Variants in DAZAP2 observed in about 807,000 individuals in gnomAD.
The protein encoded by DAZAP2 is DAZ associated protein 2, also known as DAZ-associated protein 2.
A neutral mutation model predicts 16.2 loss-of-function variants in DAZAP2; 3 were observed. The ratio of observed to expected loss-of-function variants is 0.19; its 90% CI spans 0.08 to 0.48. The LOEUF (loss-of-function observed/expected upper bound fraction) is 0.48. DAZAP2 is among the 20% of genes least tolerant of loss of function. The pLI, the probability that DAZAP2 is intolerant of heterozygous loss-of-function variation, is 0.98. For missense variants in DAZAP2, 172 were observed against 215.9 expected (o/e 0.80, Z 1.27); for synonymous variants, 69 against 77.6 (o/e 0.89, Z 0.58).
rs747844108 is a variant in DAZAP2, at chr12:51,240,853, C to G, written c.133-18C>G. The G allele has an allele frequency of 6.2e-7, 1 of 1,606,714 alleles. No individual in the cohort carries two copies. ...ATGTCATAAAGTAACATTTTGCCTTCTCTTCTGCCTCTTCTAGCTCTATCG... is the reference window on the plus strand; with the variant it reads ...ATGTCATAAAGTAACATTTTGCCTTGTCTTCTGCCTCTTCTAGCTCTATCG... On this transcript the variant is annotated intron_variant, in intron 2 of 3. Coordinates refer to ENST00000412716, the MANE Select transcript of DAZAP2 (RefSeq NM_014764.4).
intron 2 of DAZAP2, 200 bp from the exon 3 acceptor site, chr12:51,240,668 AGAT>A: frequency 1.2e-6 from 1 of 860,314 alleles, no homozygotes; most frequent in East Asian, 2.6e-5. Context: ...AAGGTGCAGA[AGAT>A]GAATTTGCGT....
Position 51,240,888 on chromosome 12 carries a change from T to C in DAZAP2, c.150T>C (p.Phe50=), listed in dbSNP as rs1378818626. 1.2e-6 allele frequency: 2 copies of C among 1,613,974 alleles called. No homozygotes were observed. Among genetic ancestry groups the C allele is most frequent in the African/African-American group, 2.7e-5 (2 of 74,954 alleles). Residue 50 remains phenylalanine, a synonymous_variant, in exon 3 of 4, where the codon TTT becomes TTC. Coordinates refer to ENST00000412716, the MANE Select transcript of DAZAP2 (RefSeq NM_014764.4). ...PAYSELYRPS[F]VHPGAATVPT... ...TCTTCTAGCTCTATCGTCCGAGCTT[T>C]GTGCACCCAGGGGCTGCCACAGTCC...
Position 51,242,444 on chromosome 12 carries a change from T to C in DAZAP2, c.493T>C (p.Tyr165His), listed in dbSNP as rs1944694632. 1.3e-5 allele frequency: 21 copies of C among 1,614,168 alleles called. No individual in the cohort carries two copies. Among genetic ancestry groups the C allele is most frequent in the Non-Finnish European group, 1.8e-5 (21 of 1,180,028 alleles). ...NFFMGGSDGG[Y>H]TIW ...CTTCATGGGTGGTTCAGATGGTGGC[T>C]ACACCATCTGGTGAGGAACCAAGGC... Residue 165 changes from tyrosine (Y) to histidine (H), a missense_variant, in exon 4 of 4, where the codon TAC (tyrosine) becomes CAC (histidine). Coordinates refer to ENST00000412716, the MANE Select transcript of DAZAP2 (RefSeq NM_014764.4).
rs1184387238 is a variant in DAZAP2 at position 51,243,508 on chromosome 12, A to C, written c.*1050A>C. 2 of 985,730 alleles carry C rather than the reference A, an allele frequency of 2.0e-6. No individual in the cohort carries two copies. The highest frequency in any genetic ancestry group is 3.5e-5 in the African/African-American group (2 of 57,238). The allele number at this position is 985,730 out of a possible 1,614,324, so 61.1% of individuals were successfully genotyped here. A position where few individuals can be genotyped will look rare whatever the true frequency, so the allele number is the denominator to read the frequency against. ...CTACAAAATGACTTGAGTCCAGTGAAATCTCATTAGGGTTTAAGAATATTT... is the reference window on the plus strand; with the variant it reads ...CTACAAAATGACTTGAGTCCAGTGACATCTCATTAGGGTTTAAGAATATTT... On this transcript the variant is annotated 3_prime_UTR_variant, in exon 4 of 4. Transcript: ENST00000412716.
Position 51,243,499 on chromosome 12 carries a change from G to A in DAZAP2, c.*1041G>A. On this transcript the variant is annotated 3_prime_UTR_variant, in exon 4 of 4. Transcript: ENST00000412716. Reference sequence around the variant, plus strand: ...AATGTCTCACTACAAAATGACTTGAGTCCAGTGAAATCTCATTAGGGTTTA... The same window carrying A: ...AATGTCTCACTACAAAATGACTTGAATCCAGTGAAATCTCATTAGGGTTTA... 1 of 985,796 alleles carries A rather than the reference G, an allele frequency of 1.0e-6. No homozygotes were observed. Among genetic ancestry groups the A allele is most frequent in the Non-Finnish European group, 1.2e-6 (1 of 829,936 alleles). 61.1% of individuals were successfully genotyped at this position (985,796 alleles called of 1,614,324 possible). A position where few individuals can be genotyped will look rare whatever the true frequency, so the allele number is the denominator to read the frequency against.
downstream of DAZAP2, chr12:51,246,591 G>T (rs1163279523): frequency 1.6e-5 from 8 of 510,290 alleles, no homozygotes; most frequent in Non-Finnish European, 2.6e-5. Context: ...AGAAGCCTCC[G>T]AGTCTTTTAT....
At chr12:51,239,179 G>T (rs1035150830) in intron 1 of DAZAP2, 16 of 511,102 alleles carry the variant, frequency 3.1e-5, no homozygotes, top group African/African-American at 2.6e-4. Context: ...GGCTTGACAT[G>T]ATGGGCATCC....
chr12:51,240,219 T>C, intron 1 of DAZAP2, 124 bp from the exon 2 acceptor site: 1 of 753,710 alleles, frequency 1.3e-6, no homozygotes, highest in Admixed American at 1.9e-5. Flanking sequence ...AATCAGGCCC[T>C]CTGGGGCAGA....
downstream of DAZAP2, chr12:51,245,545 A>G: frequency 5.9e-6 from 1 of 169,466 alleles, no homozygotes; most frequent in Non-Finnish European, 1.3e-5. Context: ...TTGTATGGAC[A>G]GTATCTCCAC....
chr12:51,240,122 A>C, intron 1 of DAZAP2: 2 of 558,900 alleles, frequency 3.6e-6, no homozygotes, highest in Middle Eastern at 4.9e-4. Flanking sequence ...TAGTAGGAGC[A>C]GTGAGCAGTG....
intron 3 of DAZAP2, among the ~76,000 whole-genome samples, chr12:51,241,777 C>T (rs1399425225): frequency 4.6e-5 from 7 of 151,914 alleles, no homozygotes; most frequent in Non-Finnish European, 1.0e-4. Context: ...AAAAATTAGC[C>T]GGGCATGGTG....
downstream of DAZAP2, chr12:51,244,562 G>T (rs1366023119): frequency 1.3e-5 from 2 of 152,194 alleles, no homozygotes; most frequent in Non-Finnish European, 2.9e-5. Flanking sequence ...AATACATTAA[G>T]ACTTCAAAGG....
At chr12:51,242,099 A>G (rs1944687855) in intron 3 of DAZAP2, among the ~76,000 whole-genome samples, 1 of 152,130 alleles carries the variant, frequency 6.6e-6, no homozygotes, top group Non-Finnish European at 1.5e-5. Context: ...CATAGGCTTC[A>G]TCTTAGAGCT....
At chr12:51,239,093 C>T (rs1443860628) in intron 1 of DAZAP2, 173 bp downstream of exon 1, 6 of 901,576 alleles carry the variant, frequency 6.7e-6, no homozygotes, top group Non-Finnish European at 9.8e-6. Context: ...CAAATTACGG[C>T]AGCTTGCTGC....
downstream of DAZAP2, chr12:51,246,258 C>T (rs1040126294): frequency 5.5e-6 from 7 of 1,266,500 alleles, no homozygotes; most frequent in African/African-American, 1.1e-4. Context: ...CATCCAAACC[C>T]ATGTTCCCCC....
downstream of DAZAP2, chr12:51,246,433 G>A (rs764049405): frequency 1.1e-5 from 5 of 442,294 alleles, no homozygotes; most frequent in Non-Finnish European, 2.0e-5. Flanking sequence ...CTAACAGGAA[G>A]TGGTTTATCT....
chr12:51,243,988 T>C (rs1452250670), downstream of DAZAP2: 1 of 935,712 alleles, frequency 1.1e-6, no homozygotes, highest in Non-Finnish European at 1.3e-6. Context: ...ATCATTTTAC[T>C]CCAACCTCTT....
In DAZAP2 at chr12:51,243,264, C is replaced by A. The variant is rs560246340; in HGVS notation, c.*806C>A. On this transcript the variant is annotated 3_prime_UTR_variant, in exon 4 of 4. Transcript: ENST00000412716. ...CTGAGCTATGTTTGAACAAAGATGT[C>A]GTGCAAACTGTACTGTGAACAACAG... 1.0e-6 allele frequency: 1 copy of A among 985,716 alleles called. No homozygotes were observed. The highest frequency in any genetic ancestry group is 1.2e-6 in the Non-Finnish European group (1 of 830,000). 61.1% of individuals were successfully genotyped at this position (985,716 alleles called of 1,614,324 possible). A position where few individuals can be genotyped will look rare whatever the true frequency, so the allele number is the denominator to read the frequency against.
At position 51,243,556 on chromosome 12, in the gene DAZAP2, T is replaced by C; in HGVS notation, c.*1098T>C. 2.0e-6 allele frequency: 2 copies of C among 985,746 alleles called. No individual in the cohort carries two copies. The highest frequency in any genetic ancestry group is 1.2e-6 in the Non-Finnish European group (1 of 829,888). 61.1% of individuals were successfully genotyped at this position (985,746 alleles called of 1,614,324 possible). ...TTTCAGGGATCCTTAATGTTTTGAT[T>C]TTTGTTTTCTGAAATTGGATTTTAT... On this transcript the variant is annotated 3_prime_UTR_variant, in exon 4 of 4. Transcript: ENST00000412716.
Sources: allele counts gnomAD v4.1 joint callset (sites outside exome capture counted in the v4.1 genomes callset), GRCh38; gene constraint gnomAD v4.1.1; transcripts MANE v1.5; gene names NCBI Gene and HGNC (gene_info 2026-07-23, HGNC 2026-07-21).